Variants in LRRTM4 observed in about 807,000 individuals in gnomAD.
LRRTM4 encodes the protein leucine-rich repeat transmembrane neuronal protein 4.
In LRRTM4, 25 loss-of-function variants were observed where a neutral mutation model predicts 47.6. The observed-to-expected ratio is 0.53, with a 90% CI of 0.38 to 0.73. The LOEUF (loss-of-function observed/expected upper bound fraction) is 0.73. Ranked by LOEUF, LRRTM4 falls within the 30% of genes least tolerant of loss-of-function variation. The pLI is 0.00. For synonymous variants in LRRTM4, 311 were observed against 269.5 expected (o/e 1.15, Z -1.51); for missense variants, 638 against 713.4 (o/e 0.89, Z 1.20).
intron 3 of LRRTM4, among the ~76,000 whole-genome samples, chr2:77,499,912 A>G (rs1678508115): frequency 6.6e-6 from 1 of 151,784 alleles, no homozygotes; most frequent in Non-Finnish European, 1.5e-5. Context: ...CCCTTAAAGT[A>G]TATGGTTACT....
chr2:77,258,726 G>A (rs562008770), intron 3 of LRRTM4, among the ~76,000 whole-genome samples: 1 of 151,838 alleles, frequency 6.6e-6, no homozygotes, highest in South Asian at 2.1e-4. Context: ...TAGGGCAAAT[G>A]AATAGCTGCA....
chr2:77,471,603 T>C (rs2103993743), intron 3 of LRRTM4, among the ~76,000 whole-genome samples: 1 of 152,284 alleles, frequency 6.6e-6, no homozygotes, highest in South Asian at 2.1e-4. Context: ...TCCTTGTTGA[T>C]CCTCAAACAA....
intron 3 of LRRTM4, among the ~76,000 whole-genome samples, chr2:77,308,056 A>C (rs1677339586): frequency 7.0e-6 from 1 of 142,302 alleles, no homozygotes; most frequent in Non-Finnish European, 1.5e-5. Flanking sequence ...AACATTATAT[A>C]TCTATATATC....
intron 3 of LRRTM4, among the ~76,000 whole-genome samples, chr2:77,298,981 A>T (rs2104155596): frequency 6.6e-6 from 1 of 152,282 alleles, no homozygotes. Context: ...GATATATAGA[A>T]GATGATGCAT....
intron 3 of LRRTM4, among the ~76,000 whole-genome samples, chr2:76,934,327 G>A (rs1372855097): frequency 1.3e-5 from 2 of 152,160 alleles, no homozygotes; most frequent in African/African-American, 4.8e-5. Context: ...GAGTAACTGT[G>A]TTAAAGGATG....
rs367573475 is a variant in LRRTM4, at chr2:76,873,506, G to GTGTATATA, written c.1552-124591_1552-124590insTATATACA. 2.7e-3 allele frequency among the ~76,000 whole-genome samples: 303 copies of GTGTATATA among 112,284 alleles called. 9 individuals are homozygous for GTGTATATA. Among genetic ancestry groups the GTGTATATA allele is most frequent in the South Asian group, 0.021 (75 of 3,592 alleles). 73.7% of individuals were successfully genotyped at this position (112,284 alleles called of 152,430 possible). On this transcript the variant is annotated intron_variant, in intron 3 of 3. Transcript: ENST00000409884. ...TATGTGTGTGTGTATATATATGTGTGTATATATATATATATATATATATAT... is the reference window on the plus strand; with the variant it reads ...TATGTGTGTGTGTATATATATGTGTGTGTATATATATATATATATATATATATATATAT...
chr2:77,188,652 GC>G (rs772210993), intron 3 of LRRTM4, among the ~76,000 whole-genome samples: 43 of 152,076 alleles, frequency 2.8e-4, no homozygotes, highest in Non-Finnish European at 1.2e-4. Flanking sequence ...TTGAAGGATG[GC>G]CCCCATCCAG....
At chr2:77,261,314 C>A (rs373871497) in intron 3 of LRRTM4, among the ~76,000 whole-genome samples, 3 of 152,086 alleles carry the variant, frequency 2.0e-5, no homozygotes, top group Non-Finnish European at 4.4e-5. Context: ...CAGCTAGACA[C>A]GGTCATATAT....
intron 3 of LRRTM4, among the ~76,000 whole-genome samples, chr2:77,409,553 T>C (rs548523119): frequency 1.3e-5 from 2 of 152,338 alleles, no homozygotes; most frequent in Admixed American, 6.5e-5. Flanking sequence ...AGCCTTTTAG[T>C]AGGTTCAATA....
At chr2:77,367,588 A>T (rs1290907780) in intron 3 of LRRTM4, among the ~76,000 whole-genome samples, 2 of 151,840 alleles carry the variant, frequency 1.3e-5, no homozygotes, top group African/African-American at 4.8e-5. Flanking sequence ...ACTGTGTTTC[A>T]GTCAGCCTTC....
At chr2:77,220,971 C>T (rs549408662) in intron 3 of LRRTM4, among the ~76,000 whole-genome samples, 54 of 152,260 alleles carry the variant, frequency 3.5e-4, no homozygotes, top group Non-Finnish European at 6.2e-4. Flanking sequence ...TCAGCTTACC[C>T]ACAAAGGGAA....
intron 3 of LRRTM4, among the ~76,000 whole-genome samples, chr2:76,880,011 A>C (rs556491967): frequency 6.6e-6 from 1 of 152,236 alleles, no homozygotes; most frequent in Non-Finnish European, 1.5e-5. Context: ...GAATGAGGAG[A>C]TGCTCCTAAT....
chr2:77,011,298 T>G (rs1677863347), intron 3 of LRRTM4, among the ~76,000 whole-genome samples: 1 of 152,150 alleles, frequency 6.6e-6, no homozygotes, highest in African/African-American at 2.4e-5. Context: ...TAGAGTGTAT[T>G]TGTACTCATA....
At chr2:76,925,749 T>C (rs945959041) in intron 3 of LRRTM4, among the ~76,000 whole-genome samples, 4 of 152,084 alleles carry the variant, frequency 2.6e-5, no homozygotes, top group Non-Finnish European at 5.9e-5. Context: ...AGTTACTCCA[T>C]AGGGCTTGTG....
At chr2:77,211,543 T>A (rs1057112386) in intron 3 of LRRTM4, among the ~76,000 whole-genome samples, 1 of 152,206 alleles carries the variant, frequency 6.6e-6, no homozygotes, top group Non-Finnish European at 1.5e-5. Flanking sequence ...GAAAATCAAA[T>A]ACTTAGGATC....
At chr2:76,836,518 C>T (rs556136270) in intron 3 of LRRTM4, among the ~76,000 whole-genome samples, 1 of 151,760 alleles carries the variant, frequency 6.6e-6, no homozygotes, top group Non-Finnish European at 1.5e-5. Context: ...CTTCCCCCAC[C>T]CCTCGCCATT....
At chr2:76,759,136 G>C (rs1369460418) in intron 3 of LRRTM4, among the ~76,000 whole-genome samples, 1 of 152,056 alleles carries the variant, frequency 6.6e-6, no homozygotes, top group Admixed American at 6.6e-5. Flanking sequence ...ATATAAAGAA[G>C]AATAAAGTAA....
At chr2:76,983,337 C>T (rs1256326229) in intron 3 of LRRTM4, among the ~76,000 whole-genome samples, 1 of 152,036 alleles carries the variant, frequency 6.6e-6, no homozygotes, top group Admixed American at 6.6e-5. Flanking sequence ...CAAATCTCTC[C>T]TTGAATTGTA....
At chr2:76,870,569 T>G (rs1192833722) in intron 3 of LRRTM4, among the ~76,000 whole-genome samples, 1 of 152,140 alleles carries the variant, frequency 6.6e-6, no homozygotes, top group Non-Finnish European at 1.5e-5. Context: ...CAGCTCTGTA[T>G]AGTGTCTTGA....
Sources: allele counts gnomAD v4.1 joint callset (sites outside exome capture counted in the v4.1 genomes callset), GRCh38; gene constraint gnomAD v4.1.1; transcripts MANE v1.5; gene names NCBI Gene and HGNC (gene_info 2026-07-23, HGNC 2026-07-21).